DST: variants seen among roughly 807,000 people sequenced by gnomAD.
The protein encoded by DST is bullous pemphigoid antigen.
Under a neutral mutation model 875.2 loss-of-function variants are expected in DST, and 253 were observed. The observed-to-expected ratio is 0.29, with a 90% confidence interval of 0.26 to 0.32. The LOEUF (loss-of-function observed/expected upper bound fraction) is 0.32, where lower values mean the gene tolerates loss of function less well. Ranked by LOEUF, DST falls within the 10% of genes least tolerant of loss-of-function variation. The probability of loss-of-function intolerance (pLI) is 1.00; values close to 1 mark genes in which losing one functional copy is unlikely to be tolerated. For missense variants in DST, 8,287 were observed against 9,111.6 expected, an observed-to-expected ratio of 0.91 and a Z score of 3.68; for synonymous variants, 3,124 against 3,197.1, an observed-to-expected ratio of 0.98 and a Z score of 0.77.
At chr6:56,624,319 ACTTT>A in intron 36 of DST, 2 of 652,184 alleles carry the variant, frequency 3.1e-6, no homozygotes, top group South Asian at 3.5e-5. Flanking sequence ...AAGTGAAATG[ACTTT>A]CTATTTGAAT....
intron 3 of DST, among the ~76,000 whole-genome samples, chr6:56,854,133 A>G (rs1335131311): frequency 6.6e-6 from 1 of 152,232 alleles, no homozygotes; most frequent in Non-Finnish European, 1.5e-5. Context: ...GAGCTGCTTT[A>G]AAGTGGATTG....
intron 2 of DST, among the ~76,000 whole-genome samples, chr6:56,916,699 C>T (rs1198495283): frequency 2.0e-5 from 3 of 148,840 alleles, no homozygotes; most frequent in African/African-American, 7.4e-5. Flanking sequence ...CTGTAGTAAG[C>T]CATGATGGGG....
intron 3 of DST, among the ~76,000 whole-genome samples, chr6:56,875,026 C>T (rs1374569996): frequency 6.6e-6 from 1 of 152,220 alleles, no homozygotes; most frequent in African/African-American, 2.4e-5. Context: ...CTCTGTCGCC[C>T]AGGCTGAAGT....
intron 12 of DST, among the ~76,000 whole-genome samples, chr6:56,650,353 C>T (rs1399297787): frequency 8.0e-6 from 1 of 125,220 alleles, no homozygotes; most frequent in Non-Finnish European, 1.6e-5. Context: ...AAAAAAGCAT[C>T]ACTGAAGTGA....
intron 9 of DST, among the ~76,000 whole-genome samples, chr6:56,680,908 C>A (rs2099153946): frequency 6.6e-6 from 1 of 152,186 alleles, no homozygotes; most frequent in African/African-American, 2.4e-5. Flanking sequence ...ATGAGCCAGA[C>A]ACTGTGCTTA....
chr6:56,721,173 G>A (rs62412551), intron 5 of DST, among the ~76,000 whole-genome samples: 8 of 146,598 alleles, frequency 5.5e-5, no homozygotes, highest in Admixed American at 1.3e-4. Flanking sequence ...CAGATGGGGC[G>A]GCTGCCGGGC....
At chr6:56,570,397 C>G (rs1276004696) in intron 53 of DST, among the ~76,000 whole-genome samples, 2 of 152,024 alleles carry the variant, frequency 1.3e-5, no homozygotes, top group Non-Finnish European at 2.9e-5. Context: ...CTAGGCAGTC[C>G]CATCTGGGGG....
intron 11 of DST, 21 bp downstream of exon 11, chr6:56,651,111 A>T (rs374257491): frequency 4.4e-6 from 7 of 1,594,156 alleles, no homozygotes; most frequent in Non-Finnish European, 6.0e-6. Flanking sequence ...CAGTCCACAT[A>T]TAATCAAGAA....
At chr6:56,481,112 C>G (rs1399485397) in intron 90 of DST, among the ~76,000 whole-genome samples, 7 of 152,136 alleles carry the variant, frequency 4.6e-5, no homozygotes, top group African/African-American at 1.7e-4. Context: ...GGCAATATTT[C>G]ATCGCTATAG....
intron 2 of DST, among the ~76,000 whole-genome samples, chr6:56,924,734 T>C (rs1321220733): frequency 6.6e-6 from 1 of 152,188 alleles, no homozygotes; most frequent in East Asian, 1.9e-4. Context: ...CAAACATATA[T>C]GTCACTTATT....
In DST at chr6:56,526,480, T is replaced by C; in HGVS notation, c.18010A>G (p.Arg6004Gly). The change falls in exon 69 of 104, where the codon AGG (arginine) becomes GGG (glycine). Residue 6004 changes from arginine to glycine, a missense_variant. Arg to Gly is a moderately radical substitution (Grantham distance 125). This residue lies in a region of DST where 777 missense variants were observed against 764.8 expected (regional missense o/e 1.02). Coordinates refer to ENST00000680361, the MANE Select transcript of DST (RefSeq NM_001374736.1). ...ATTTTCTCAAGTCCTTCTCTTGCCC[T>C]CCATGGTACCAGTTCCAGCAAAGCA... Reference protein sequence around the residue: ...SSALLELVPWRAREGLEKMVA... With the variant: ...SSALLELVPWGAREGLEKMVA... The C allele has an allele frequency of 6.2e-7, 1 of 1,613,904 alleles. No individual in the cohort carries two copies. Among genetic ancestry groups the C allele is most frequent in the Non-Finnish European group, 8.5e-7 (1 of 1,179,814 alleles).
chr6:56,654,813 A>G (rs1391867975), intron 10 of DST, among the ~76,000 whole-genome samples: 1 of 152,112 alleles, frequency 6.6e-6, no homozygotes, highest in African/African-American at 2.4e-5. Flanking sequence ...ATTAGCTCAC[A>G]TGAGAATTAG....
chr6:56,867,848 G>A (rs1241317666), intron 3 of DST, among the ~76,000 whole-genome samples: 1 of 151,808 alleles, frequency 6.6e-6, no homozygotes, highest in Non-Finnish European at 1.5e-5. Context: ...AAAAAAAATA[G>A]TAGGGCTCTC....
intron 2 of DST, among the ~76,000 whole-genome samples, chr6:56,941,923 C>A (rs140112864): frequency 4.1e-4 from 63 of 152,304 alleles, no homozygotes; most frequent in African/African-American, 1.5e-3. Flanking sequence ...CTCTGTTGAT[C>A]ACCAACTATG....
rs193040283 is a variant in DST, at chr6:56,694,271, C to G, written c.1047+5382G>C. ...AATGGATTTACACATAAGTACAAAT[C>G]ATTTCACTACTAAAAAAATTAATAA... is the stretch of plus-strand genomic sequence containing the variant. On this transcript the variant is annotated intron_variant, in intron 9 of 103. Transcript: ENST00000680361. Among the ~76,000 whole-genome samples the G allele has an allele frequency of 2.3e-3, 348 of 149,576 alleles. 3 individuals carry two copies. The highest frequency in any genetic ancestry group is 4.1e-3 in the Non-Finnish European group (279 of 67,422).
At chr6:56,653,591 A>G (rs1284636981) in intron 10 of DST, among the ~76,000 whole-genome samples, 2 of 152,050 alleles carry the variant, frequency 1.3e-5, no homozygotes, top group Non-Finnish European at 2.9e-5. Flanking sequence ...AGGCTGAGGC[A>G]GGAGGATCAC....
rs1319406526 is a variant in DST at position 56,584,955 on chromosome 6, T to C, written c.12904-6018A>G. Among the ~76,000 whole-genome samples, 6 of 151,800 alleles carry C rather than the reference T, an allele frequency of 4.0e-5. No individual in the cohort carries two copies. In the South Asian group the frequency reaches 6.3e-4, roughly 16 times the overall value. Reference sequence around the variant, plus strand: ...CCCAGGGATGAAGCCCACTTGATCATGGTGGATAAGCTTTTTGATGTGCTG... The same window carrying C: ...CCCAGGGATGAAGCCCACTTGATCACGGTGGATAAGCTTTTTGATGTGCTG... On this transcript the variant is annotated intron_variant, in intron 49 of 103. Coordinates refer to ENST00000680361, the MANE Select transcript of DST (RefSeq NM_001374736.1).
intron 87 of DST, 136 bp from the exon 88 acceptor site, chr6:56,485,607 T>C: frequency 1.2e-6 from 1 of 860,338 alleles, no homozygotes; most frequent in Non-Finnish European, 1.7e-6. Flanking sequence ...TGTTGTTTCT[T>C]TGCTCTTCTT....
chr6:56,482,585 T>G, intron 89 of DST, 98 bp downstream of exon 89: 5 of 1,236,430 alleles, frequency 4.0e-6, no homozygotes, highest in Non-Finnish European at 5.7e-6. Context: ...CTGTCCTGAT[T>G]GAGACACGAG....
Sources: allele counts gnomAD v4.1 joint callset (sites outside exome capture counted in the v4.1 genomes callset), GRCh38; gene constraint gnomAD v4.1.1; regional missense constraint gnomAD v4.1.1; transcripts MANE v1.5; gene names NCBI Gene and HGNC (gene_info 2026-07-23, HGNC 2026-07-21).